The following CREB5 variants were observed in gnomAD, a reference collection of about 807,000 sequenced individuals.
CREB5 encodes cyclic AMP-responsive element-binding protein 5.
Under a neutral mutation model 57.1 loss-of-function variants are expected in CREB5, and 19 were observed. The ratio of observed to expected loss-of-function variants is 0.33; its 90% CI spans 0.23 to 0.49. The LOEUF is 0.49. CREB5 is among the 20% of genes least tolerant of loss of function. CREB5 has a pLI of 0.99. For missense variants in CREB5, 579 were observed against 671.6 expected (o/e 0.86, Z 1.52); for synonymous variants, 238 against 238.3 (o/e 1.00, Z 0.01).
At chr7:28,486,607 T>C (rs1235741126) in intron 1 of CREB5, among the ~76,000 whole-genome samples, 3 of 141,818 alleles carry the variant, frequency 2.1e-5, no homozygotes, top group Non-Finnish European at 3.0e-5. Flanking sequence ...AGAGGGGGGG[T>C]ATGATATAGA....
intron 5 of CREB5, among the ~76,000 whole-genome samples, chr7:28,579,747 G>A (rs1459949786): frequency 2.0e-5 from 3 of 152,286 alleles, no homozygotes; most frequent in African/African-American, 7.2e-5. Flanking sequence ...TGGAATGCAT[G>A]AACATTTTCT....
chr7:28,572,680 C>G (rs1437472477), intron 5 of CREB5, among the ~76,000 whole-genome samples: 1 of 152,068 alleles, frequency 6.6e-6, no homozygotes, highest in Non-Finnish European at 1.5e-5. Context: ...CAAAGCTGGT[C>G]TTTATGAAAC....
At chr7:28,338,502 C>A (rs1307330996) in intron 1 of CREB5, among the ~76,000 whole-genome samples, 1 of 152,130 alleles carries the variant, frequency 6.6e-6, no homozygotes, top group Non-Finnish European at 1.5e-5. Flanking sequence ...TATTGAAGCT[C>A]CATTGTATGT....
At chr7:28,665,368 T>G (rs993930482) in intron 5 of CREB5, among the ~76,000 whole-genome samples, 4 of 152,140 alleles carry the variant, frequency 2.6e-5, no homozygotes, top group African/African-American at 9.7e-5. Flanking sequence ...TGCAGAAACA[T>G]CTACCTCCCT....
At chr7:28,566,174 T>C (rs1795468706) in intron 4 of CREB5, among the ~76,000 whole-genome samples, 1 of 152,200 alleles carries the variant, frequency 6.6e-6, no homozygotes, top group Non-Finnish European at 1.5e-5. Context: ...CTTCTCTAGA[T>C]CCGGATGTTT....
intron 5 of CREB5, among the ~76,000 whole-genome samples, chr7:28,646,548 T>A (rs961406109): frequency 3.3e-5 from 5 of 152,180 alleles, no homozygotes; most frequent in Non-Finnish European, 7.3e-5. Flanking sequence ...ATCCTCTGAG[T>A]GTCTTTGGAT....
intron 1 of CREB5, among the ~76,000 whole-genome samples, chr7:28,354,467 T>G (rs556317658): frequency 6.6e-6 from 1 of 152,210 alleles, no homozygotes; most frequent in African/African-American, 2.4e-5. Context: ...GGACTCAAAC[T>G]GGCTCTCCTT....
In CREB5 at chr7:28,341,531, C is replaced by A. The variant is rs923981534; in HGVS notation, c.-25+42090C>A. 7.9e-5 allele frequency among the ~76,000 whole-genome samples: 12 copies of A among 152,332 alleles called. 1 individual carries two copies. Among genetic ancestry groups the A allele is most frequent in the Admixed American group, 7.2e-4 (11 of 15,304 alleles). Reference sequence around the variant, plus strand: ...GTTGATACTAAATTTCTAACGGACACCTTGTCTTCATCATCCATATACTAC... The same window carrying A: ...GTTGATACTAAATTTCTAACGGACAACTTGTCTTCATCATCCATATACTAC... On this transcript the variant is annotated intron_variant, in intron 1 of 9. Transcript: ENST00000396299.
intron 4 of CREB5, among the ~76,000 whole-genome samples, chr7:28,539,131 T>G (rs1794098065): frequency 6.6e-6 from 1 of 152,240 alleles, no homozygotes; most frequent in East Asian, 1.9e-4. Context: ...AGTTTTCTTT[T>G]GTGTACACTG....
intron 4 of CREB5, among the ~76,000 whole-genome samples, chr7:28,544,234 C>T (rs1007596446): frequency 1.3e-5 from 2 of 152,142 alleles, no homozygotes; most frequent in African/African-American, 4.8e-5. Flanking sequence ...GTTATTTTCT[C>T]TCTCACAGCC....
chr7:28,520,333 T>C (rs939637311), intron 4 of CREB5, among the ~76,000 whole-genome samples: 1 of 152,228 alleles, frequency 6.6e-6, no homozygotes, highest in Admixed American at 6.5e-5. Context: ...CTCTTCCCTT[T>C]CACATTTGTC....
intron 7 of CREB5, among the ~76,000 whole-genome samples, chr7:28,780,208 A>C (rs893701212): frequency 3.3e-5 from 5 of 152,196 alleles, no homozygotes; most frequent in African/African-American, 1.2e-4. Context: ...TTAGGCAAGG[A>C]AACTGCAATG....
At chr7:28,638,294 CGA>C (rs147292561) in intron 5 of CREB5, among the ~76,000 whole-genome samples, 1,652 of 127,920 alleles carry the variant, frequency 0.013, 28 homozygotes, top group African/African-American at 0.044. Flanking sequence ...CACACACACA[CGA>C]ACACACACAC....
At chr7:28,361,730 A>C (rs2127992258) in intron 1 of CREB5, among the ~76,000 whole-genome samples, 1 of 152,160 alleles carries the variant, frequency 6.6e-6, no homozygotes, top group East Asian at 1.9e-4. Context: ...ACATTTCCAG[A>C]GTTTGTTCTG....
At chr7:28,718,529 A>T (rs982122058) in intron 5 of CREB5, among the ~76,000 whole-genome samples, 3 of 152,240 alleles carry the variant, frequency 2.0e-5, no homozygotes, top group African/African-American at 7.2e-5. Context: ...AACAGAGGTC[A>T]GGAAATGAAG....
intron 4 of CREB5, among the ~76,000 whole-genome samples, chr7:28,567,917 G>T (rs566358606): frequency 8.5e-5 from 13 of 152,200 alleles, no homozygotes; most frequent in Admixed American, 2.0e-4. Flanking sequence ...ATGGCTTAGG[G>T]TGTGTGTTCT....
chr7:28,362,505 C>A (rs1476727429), intron 1 of CREB5, among the ~76,000 whole-genome samples: 1 of 152,132 alleles, frequency 6.6e-6, no homozygotes, highest in Non-Finnish European at 1.5e-5. Flanking sequence ...ACCTGTGAAA[C>A]TCAAGTGCAT....
chr7:28,571,434 C>G (rs985069133), intron 5 of CREB5, among the ~76,000 whole-genome samples: 2 of 152,114 alleles, frequency 1.3e-5, no homozygotes, highest in Non-Finnish European at 2.9e-5. Flanking sequence ...TCTCCTTCCT[C>G]TACATTGGTC....
chr7:28,603,256 A>T (rs1796990644), intron 5 of CREB5, among the ~76,000 whole-genome samples: 1 of 152,190 alleles, frequency 6.6e-6, no homozygotes, highest in African/African-American at 2.4e-5. Flanking sequence ...AGTATACTCC[A>T]CTGCTACCAG....
Sources: allele counts gnomAD v4.1 joint callset (sites outside exome capture counted in the v4.1 genomes callset), GRCh38; gene constraint gnomAD v4.1.1; transcripts MANE v1.5; gene names NCBI Gene and HGNC (gene_info 2026-07-23, HGNC 2026-07-21).